MAGI2: variants seen among roughly 807,000 people sequenced by gnomAD.
The protein encoded by MAGI2 is membrane associated guanylate kinase, WW and PDZ domain containing 2, also known as membrane-associated guanylate kinase, WW and PDZ domain-containing protein 2.
In MAGI2, 35 loss-of-function variants were observed where a neutral mutation model predicts 133.3. The ratio of observed to expected loss-of-function variants is 0.26; its 90% CI spans 0.20 to 0.35. The LOEUF (loss-of-function observed/expected upper bound fraction) is 0.35. MAGI2 is among the 10% of genes least tolerant of loss of function. The pLI, the probability that MAGI2 is intolerant of heterozygous loss-of-function variation, is 1.00. For synonymous variants in MAGI2, 729 were observed against 710.6 expected (o/e 1.03, Z -0.41); for missense variants, 1,636 against 1,863.4 (o/e 0.88, Z 2.25).
intron 2 of MAGI2, among the ~76,000 whole-genome samples, chr7:78,675,993 T>G (rs1814981421): frequency 6.6e-6 from 1 of 152,260 alleles, no homozygotes; most frequent in Middle Eastern, 3.4e-3. Context: ...AAACACCATT[T>G]AAAAGTTAAA....
At chr7:79,160,070 T>A (rs1824207482) in intron 1 of MAGI2, among the ~76,000 whole-genome samples, 1 of 152,096 alleles carries the variant, frequency 6.6e-6, no homozygotes, top group African/African-American at 2.4e-5. Flanking sequence ...TTGGTAAATT[T>A]CATCTCAAAA....
At chr7:79,125,214 G>T in intron 1 of MAGI2, 2 of 390,690 alleles carry the variant, frequency 5.1e-6, no homozygotes, top group East Asian at 6.0e-5. Flanking sequence ...CTGTGGATAA[G>T]ACTGTCATTC....
intron 2 of MAGI2, among the ~76,000 whole-genome samples, chr7:78,816,233 T>C (rs1178385641): frequency 2.0e-5 from 3 of 152,038 alleles, no homozygotes; most frequent in Non-Finnish European, 4.4e-5. Flanking sequence ...TTAAAAGAGG[T>C]GAGGAAGTTG....
chr7:78,710,024 A>G (rs1421358181), intron 2 of MAGI2, among the ~76,000 whole-genome samples: 1 of 152,182 alleles, frequency 6.6e-6, no homozygotes, highest in Non-Finnish European at 1.5e-5. Context: ...AGTTACTAAC[A>G]TATCCAGGAG....
chr7:78,684,178 T>G (rs1007655092), intron 2 of MAGI2, among the ~76,000 whole-genome samples: 1 of 152,206 alleles, frequency 6.6e-6, no homozygotes, highest in Non-Finnish European at 1.5e-5. Flanking sequence ...AACATAAATC[T>G]GTATTATACT....
intron 1 of MAGI2, chr7:79,173,055 T>C (rs186581082): frequency 9.1e-4 from 138 of 152,082 alleles, no homozygotes; most frequent in African/African-American, 3.1e-3. Flanking sequence ...AACTTTAAAA[T>C]AAAGAAAATC....
intron 1 of MAGI2, among the ~76,000 whole-genome samples, chr7:79,129,144 G>A (rs1056725419): frequency 6.6e-6 from 1 of 152,176 alleles, no homozygotes; most frequent in African/African-American, 2.4e-5. Context: ...TGGGATTACA[G>A]GCGTGAGCCA....
chr7:78,882,041 A>G (rs1458792859), intron 2 of MAGI2, among the ~76,000 whole-genome samples: 1 of 146,734 alleles, frequency 6.8e-6, no homozygotes, highest in African/African-American at 2.5e-5. Flanking sequence ...GAAAAGATAA[A>G]TAAGACTGAC....
intron 1 of MAGI2, among the ~76,000 whole-genome samples, chr7:79,105,238 T>A (rs1818347288): frequency 6.6e-6 from 1 of 152,134 alleles, no homozygotes; most frequent in South Asian, 2.1e-4. Context: ...CACTATATAA[T>A]CCCCAGCAGA....
intron 14 of MAGI2, among the ~76,000 whole-genome samples, chr7:78,173,427 G>A (rs878886741): frequency 6.6e-6 from 1 of 152,204 alleles, no homozygotes; most frequent in African/African-American, 2.4e-5. Context: ...GAGGAGGGGA[G>A]CGGTTGAAGA....
intron 2 of MAGI2, among the ~76,000 whole-genome samples, chr7:78,758,874 A>C (rs1276222217): frequency 6.6e-6 from 1 of 152,216 alleles, no homozygotes. Flanking sequence ...AGAGTGATTT[A>C]TTCTTTCCCA....
chr7:78,769,643 A>C (rs2151317112), intron 2 of MAGI2, among the ~76,000 whole-genome samples: 1 of 152,310 alleles, frequency 6.6e-6, no homozygotes, highest in East Asian at 1.9e-4. Context: ...CCTCAGGACG[A>C]GACAGAGATA....
chr7:79,127,430 T>A lies in MAGI2; in HGVS notation c.302-120224A>T, dbSNP rs368257815. Among the ~76,000 whole-genome samples, 302 of 152,204 alleles carry A rather than the reference T, an allele frequency of 2.0e-3. 2 individuals carry two copies. The East Asian group carries it at 0.055, about 28-fold the overall frequency. The stretch of plus-strand genomic sequence containing the variant: ...CAGTCCCACCAACAGTGTAAAAGTG[T>A]TCCTATTTCTCCACATCCTCTCCAG... On this transcript the variant is annotated intron_variant, in intron 1 of 21. Transcript: ENST00000354212.
At chr7:78,620,670 A>G (rs1398719358) in intron 3 of MAGI2, among the ~76,000 whole-genome samples, 1 of 151,938 alleles carries the variant, frequency 6.6e-6, no homozygotes, top group African/African-American at 2.4e-5. Flanking sequence ...GAAATGTCGT[A>G]TTTGTACTAT....
chr7:78,584,256 C>A (rs548031206), intron 3 of MAGI2, among the ~76,000 whole-genome samples: 1 of 151,794 alleles, frequency 6.6e-6, no homozygotes, highest in South Asian at 2.1e-4. Context: ...CCTGTCTCTA[C>A]TAAAAATACA....
intron 3 of MAGI2, among the ~76,000 whole-genome samples, chr7:78,578,886 AC>A (rs1488693426): frequency 1.3e-5 from 2 of 152,158 alleles, no homozygotes; most frequent in Non-Finnish European, 2.9e-5. Context: ...TCCTTTCCCC[AC>A]AATACCCTCA....
chr7:79,352,567 C>A (rs1230658373), intron 1 of MAGI2, among the ~76,000 whole-genome samples: 1 of 152,224 alleles, frequency 6.6e-6, no homozygotes, highest in Non-Finnish European at 1.5e-5. Flanking sequence ...TGCAATCTGG[C>A]TGTAAGCCCC....
intron 21 of MAGI2, among the ~76,000 whole-genome samples, chr7:78,066,130 A>G (rs767977397): frequency 1.3e-5 from 2 of 152,216 alleles, no homozygotes; most frequent in African/African-American, 2.4e-5. Flanking sequence ...TCATAAATTC[A>G]TAGAGTTCCC....
chr7:79,312,690 A>G (rs991074613), intron 1 of MAGI2, among the ~76,000 whole-genome samples: 1 of 152,206 alleles, frequency 6.6e-6, no homozygotes, highest in African/African-American at 2.4e-5. Flanking sequence ...ACTGTGCTCC[A>G]GAGAAGTGCT....
Sources: gnomAD v4.1 joint callset for allele counts (sites outside exome capture counted in the v4.1 genomes callset) on GRCh38, gnomAD v4.1.1 for gene constraint, MANE v1.5 for transcripts, NCBI Gene and HGNC (gene_info 2026-07-23, HGNC 2026-07-21) for gene names.